TRAPPC12: variants seen among roughly 807,000 people sequenced by gnomAD.
The protein encoded by TRAPPC12 is TPR repeat protein 15.
Under a neutral mutation model 69.2 loss-of-function variants are expected in TRAPPC12, and 61 were observed. That is an observed-to-expected ratio of 0.88 (90% CI 0.72 to 1.09). TRAPPC12 has a LOEUF of 1.09. Among genes scored for constraint, TRAPPC12 ranks in the 50% least tolerant of loss-of-function variants. The pLI, the probability that TRAPPC12 is intolerant of heterozygous loss-of-function variation, is 0.00. For synonymous variants in TRAPPC12, 469 were observed against 438.9 expected (o/e 1.07, Z -0.86); for missense variants, 1,101 against 1,016.4 (o/e 1.08, Z -1.13).
intron 2 of TRAPPC12, among the ~76,000 whole-genome samples, chr2:3,394,774 G>A (rs146981190): frequency 1.3e-4 from 20 of 152,242 alleles, no homozygotes; most frequent in Admixed American, 5.9e-4. Context: ...CCACTGCTGC[G>A]TATGTAAGAA....
At chr2:3,404,898 G>T (rs7355558) in intron 3 of TRAPPC12, among the ~76,000 whole-genome samples, 1 of 151,156 alleles carries the variant, frequency 6.6e-6, no homozygotes, top group Non-Finnish European at 1.5e-5. Flanking sequence ...GGGAGGGGGC[G>T]CAAAGAGTGA....
chr2:3,435,841 A>G (rs1663741990), intron 5 of TRAPPC12, among the ~76,000 whole-genome samples: 1 of 152,240 alleles, frequency 6.6e-6, no homozygotes, highest in African/African-American at 2.4e-5. Context: ...AATGCACTAT[A>G]TGTAGTACTA....
At chr2:3,406,751 C>A (rs568089756) in intron 3 of TRAPPC12, among the ~76,000 whole-genome samples, 1 of 152,202 alleles carries the variant, frequency 6.6e-6, no homozygotes, top group African/African-American at 2.4e-5. Flanking sequence ...AGGAACTGAA[C>A]TGGCAGCATG....
intron 1 of TRAPPC12, among the ~76,000 whole-genome samples, chr2:3,386,425 G>A (rs1367250371): frequency 2.0e-5 from 3 of 152,078 alleles, no homozygotes; most frequent in Admixed American, 6.6e-5. Context: ...ACTCACTAGC[G>A]GTGTGATTTC....
intron 5 of TRAPPC12, among the ~76,000 whole-genome samples, chr2:3,425,605 T>TA (rs1298772124): frequency 2.0e-5 from 3 of 152,198 alleles, no homozygotes; most frequent in African/African-American, 7.2e-5. Flanking sequence ...CTGGTTTTCT[T>TA]ACTCTCTTCC....
At chr2:3,461,151 A>G (rs1000286288) in intron 8 of TRAPPC12, among the ~76,000 whole-genome samples, 5 of 152,288 alleles carry the variant, frequency 3.3e-5, no homozygotes, top group African/African-American at 7.2e-5. Flanking sequence ...AGAGCAGGCA[A>G]TTTACCAGCG....
At chr2:3,452,316 G>T (rs912819564) in intron 6 of TRAPPC12, among the ~76,000 whole-genome samples, 1 of 152,170 alleles carries the variant, frequency 6.6e-6, no homozygotes, top group East Asian at 1.9e-4. Flanking sequence ...TGCCTTGCAC[G>T]GCCGGGTCTC....
At chr2:3,474,626 G>A (rs534555199) in intron 9 of TRAPPC12, among the ~76,000 whole-genome samples, 4 of 152,302 alleles carry the variant, frequency 2.6e-5, no homozygotes, top group South Asian at 2.1e-4. Context: ...GCGTTTCCCC[G>A]GGTTTCTGCG....
rs569080710 is a variant in TRAPPC12 at position 3,413,416 on chromosome 2, C to T, written c.1165-8465C>T. ...GATAAAACATGAATAGAGTGTCATTCGGCCAGTTCCGTAGCACCAGCAGCT... is the reference window on the plus strand; with the variant it reads ...GATAAAACATGAATAGAGTGTCATTTGGCCAGTTCCGTAGCACCAGCAGCT... On this transcript the variant is annotated intron_variant, in intron 3 of 11. Coordinates refer to ENST00000324266, the MANE Select transcript of TRAPPC12 (RefSeq NM_016030.6). Among the ~76,000 whole-genome samples the T allele has an allele frequency of 1.2e-4, 19 of 152,294 alleles. No individual in the cohort carries two copies. In the South Asian group the frequency reaches 2.3e-3, roughly 18 times the overall value.
chr2:3,424,374 C>T lies in TRAPPC12; in HGVS notation c.1279-151C>T, dbSNP rs545955685. On this transcript the variant is annotated intron_variant, in intron 4 of 11. Coordinates refer to ENST00000324266, the MANE Select transcript of TRAPPC12 (RefSeq NM_016030.6). ...AGCTTCAAGAGTAATTTTTTAAATA[C>T]GATTGTGTAAATATGCAAAGATAGA... 275 of 656,400 alleles carry T rather than the reference C, an allele frequency of 4.2e-4. 2 individuals are homozygous for T. The African/African-American group carries it at 4.5e-3, about 11-fold the overall frequency. 40.7% of individuals were successfully genotyped at this position (656,400 alleles called of 1,614,324 possible).
intron 7 of TRAPPC12, chr2:3,460,028 C>G (rs1044350125): frequency 3.3e-6 from 2 of 614,742 alleles, no homozygotes; most frequent in Non-Finnish European, 5.9e-6. Context: ...CAGCCACCCT[C>G]CTGGTTCTCT....
At chr2:3,434,261 TCA>T (rs971144031) in intron 5 of TRAPPC12, among the ~76,000 whole-genome samples, 1 of 152,218 alleles carries the variant, frequency 6.6e-6, no homozygotes, top group Non-Finnish European at 1.5e-5. Context: ...TCAGTGAAAT[TCA>T]CACACCTTAC....
At chr2:3,433,703 C>T (rs982648691) in intron 5 of TRAPPC12, among the ~76,000 whole-genome samples, 4 of 152,200 alleles carry the variant, frequency 2.6e-5, no homozygotes, top group Middle Eastern at 3.2e-3. Context: ...CAACAAGGGA[C>T]GGTCTGAAAT....
chr2:3,403,562 C>T (rs1254118725), intron 3 of TRAPPC12, among the ~76,000 whole-genome samples: 1 of 152,118 alleles, frequency 6.6e-6, no homozygotes, highest in Non-Finnish European at 1.5e-5. Context: ...AACTTTAGTT[C>T]CTAAAGATAT....
chr2:3,477,896 C>A, intron 10 of TRAPPC12, 101 bp downstream of exon 10: 1 of 646,644 alleles, frequency 1.5e-6, no homozygotes, highest in South Asian at 2.6e-5. Flanking sequence ...GCGCTTCTCC[C>A]TGTATCTCCT....
At chr2:3,392,131 C>T (rs1458523204) in intron 2 of TRAPPC12, among the ~76,000 whole-genome samples, 1 of 152,162 alleles carries the variant, frequency 6.6e-6, no homozygotes, top group African/African-American at 2.4e-5. Context: ...TAAGAGTACT[C>T]AGTACCTTGC....
At chr2:3,410,279 C>T (rs747998543) in intron 3 of TRAPPC12, among the ~76,000 whole-genome samples, 10 of 152,096 alleles carry the variant, frequency 6.6e-5, no homozygotes, top group Non-Finnish European at 1.3e-4. Context: ...TGGGAGAAAC[C>T]GTAACAAGAG....
In TRAPPC12 at chr2:3,478,937, A is replaced by G. The variant is rs1572217664; in HGVS notation, c.1965+4A>G. ...GATGGATCCAAGAAACGCAGTGGTA[A>G]GATCCCCAAGCTGCAGGATCCTCCA... On this transcript the variant is annotated splice_donor_region_variant and intron_variant, in intron 11 of 11. Transcript: ENST00000324266. 5.6e-6 allele frequency: 9 copies of G among 1,613,602 alleles called. No individual in the cohort carries two copies. In the East Asian group the frequency reaches 1.3e-4, roughly 24 times the overall value.
At chr2:3,442,509 C>T (rs756197256) in intron 5 of TRAPPC12, among the ~76,000 whole-genome samples, 1 of 152,178 alleles carries the variant, frequency 6.6e-6, no homozygotes, top group Non-Finnish European at 1.5e-5. Context: ...CGAAGTGACT[C>T]AGGCTGTAAC....
Sources: allele counts gnomAD v4.1 joint callset (sites outside exome capture counted in the v4.1 genomes callset), GRCh38; gene constraint gnomAD v4.1.1; transcripts MANE v1.5; gene names NCBI Gene and HGNC (gene_info 2026-07-23, HGNC 2026-07-21).